The following MAD1L1 variants were observed in gnomAD, a reference collection of about 807,000 sequenced individuals.
The protein encoded by MAD1L1 is mitotic arrest deficient 1 like 1.
Under a neutral mutation model 96.9 loss-of-function variants are expected in MAD1L1, and 95 were observed. That is an observed-to-expected ratio of 0.98 (90% CI 0.83 to 1.16). The LOEUF is 1.16. MAD1L1 is among the 50% of genes most tolerant of loss of function. The pLI, the probability that MAD1L1 is intolerant of heterozygous loss-of-function variation, is 0.00. For synonymous variants in MAD1L1, 473 were observed against 396.6 expected, an observed-to-expected ratio of 1.19 and a Z score of -2.29; for missense variants, 1,007 against 954.4, an observed-to-expected ratio of 1.06 and a Z score of -0.73.
chr7:2,188,034 T>G (rs1203019731), intron 10 of MAD1L1, among the ~76,000 whole-genome samples: 2 of 152,272 alleles, frequency 1.3e-5, no homozygotes, highest in Non-Finnish European at 2.9e-5. Context: ...GGTGATTAGC[T>G]TGTAATTTCT....
At chr7:2,232,470 C>G (rs1486154650) in intron 1 of MAD1L1, among the ~76,000 whole-genome samples, 2 of 152,246 alleles carry the variant, frequency 1.3e-5, no homozygotes, top group Non-Finnish European at 2.9e-5. Context: ...ACTTCTCCAC[C>G]AGGCGCCAGC....
rs549794803 is a variant in MAD1L1 at position 2,161,920 on chromosome 7, G to A, written c.987-12682C>T. ...GCAGCCCCCGCCCGCCAGCCAGCCC[G>A]TCCGGGAGGTGGGGGGCAGCCCCCA... is the stretch of plus-strand genomic sequence containing the variant. On this transcript the variant is annotated intron_variant, in intron 10 of 18. Coordinates refer to ENST00000265854, the MANE Select transcript of MAD1L1 (RefSeq NM_001013836.2). Among the ~76,000 whole-genome samples, 396 of 144,230 alleles carry A rather than the reference G, an allele frequency of 2.7e-3. 8 individuals are homozygous for A. The highest frequency in any genetic ancestry group is 9.3e-3 in the African/African-American group (372 of 40,132). 94.6% of individuals were successfully genotyped at this position (144,230 alleles called of 152,430 possible).
At chr7:2,106,062 C>CA (rs1166014784) in intron 11 of MAD1L1, among the ~76,000 whole-genome samples, 4 of 129,114 alleles carry the variant, frequency 3.1e-5, no homozygotes, top group Non-Finnish European at 5.1e-5. Flanking sequence ...CCCCACCCCC[C>CA]AGACCTATCT....
At chr7:2,003,683 G>A (rs1329865618) in intron 13 of MAD1L1, among the ~76,000 whole-genome samples, 2 of 152,170 alleles carry the variant, frequency 1.3e-5, no homozygotes, top group Non-Finnish European at 1.5e-5. Flanking sequence ...CAACGCCTGT[G>A]GATGAGGGGA....
chr7:1,989,788 T>A (rs1781324849), intron 14 of MAD1L1, among the ~76,000 whole-genome samples: 1 of 152,202 alleles, frequency 6.6e-6, no homozygotes, highest in African/African-American at 2.4e-5. Flanking sequence ...AGCCTCAGTG[T>A]AGGCCGGCTG....
intron 11 of MAD1L1, among the ~76,000 whole-genome samples, chr7:2,078,603 C>T (rs1454086756): frequency 6.6e-6 from 1 of 152,242 alleles, no homozygotes; most frequent in African/African-American, 2.4e-5. Context: ...TGTCTGAACT[C>T]GGAGGCCGAG....
At chr7:1,916,712 G>A (rs557838427) in intron 17 of MAD1L1, among the ~76,000 whole-genome samples, 1 of 152,270 alleles carries the variant, frequency 6.6e-6, no homozygotes, top group African/African-American at 2.4e-5. Flanking sequence ...TGCTGCGGGT[G>A]TCTTGTTGCC....
At chr7:2,041,518 C>G (rs1368760226) in intron 12 of MAD1L1, among the ~76,000 whole-genome samples, 9 of 152,228 alleles carry the variant, frequency 5.9e-5, no homozygotes, top group Admixed American at 5.2e-4. Flanking sequence ...CACCTGTTCC[C>G]CACACTCCCT....
intron 12 of MAD1L1, among the ~76,000 whole-genome samples, chr7:2,038,763 C>G (rs1193062123): frequency 6.6e-6 from 1 of 152,016 alleles, no homozygotes; most frequent in Non-Finnish European, 1.5e-5. Context: ...GTGATCCGCC[C>G]ACCTCGACCT....
chr7:1,982,936 C>T (rs1264865117), intron 14 of MAD1L1, among the ~76,000 whole-genome samples: 1 of 152,014 alleles, frequency 6.6e-6, no homozygotes, highest in Non-Finnish European at 1.5e-5. Context: ...TGTCAAACGC[C>T]CCCATGAAGA....
chr7:1,840,036 G>C (rs1157635666), intron 18 of MAD1L1, among the ~76,000 whole-genome samples: 2 of 152,228 alleles, frequency 1.3e-5, no homozygotes, highest in Admixed American at 1.3e-4. Context: ...CAGCACGGCG[G>C]GCATTCCACA....
intron 12 of MAD1L1, among the ~76,000 whole-genome samples, chr7:2,040,759 T>A (rs759503596): frequency 2.0e-5 from 3 of 152,172 alleles, no homozygotes; most frequent in Non-Finnish European, 2.9e-5. Flanking sequence ...CTGGCCTCCA[T>A]CCCGCAGAGG....
At chr7:1,853,179 C>T (rs552958969) in intron 18 of MAD1L1, among the ~76,000 whole-genome samples, 27 of 152,288 alleles carry the variant, frequency 1.8e-4, no homozygotes, top group African/African-American at 5.8e-4. Flanking sequence ...GAAGGGACTG[C>T]GGATGTCATC....
At chr7:2,159,475 A>G (rs950048447) in intron 10 of MAD1L1, among the ~76,000 whole-genome samples, 2 of 152,206 alleles carry the variant, frequency 1.3e-5, no homozygotes, top group Non-Finnish European at 2.9e-5. Context: ...CCTCCTTCAC[A>G]GAACACCACC....
intron 15 of MAD1L1, among the ~76,000 whole-genome samples, chr7:1,963,329 C>T (rs910107896): frequency 6.6e-6 from 1 of 152,154 alleles, no homozygotes; most frequent in Non-Finnish European, 1.5e-5. Flanking sequence ...AAGAGGGAGA[C>T]CACATGCTCC....
intron 16 of MAD1L1, among the ~76,000 whole-genome samples, chr7:1,938,688 G>A (rs778168633): frequency 2.6e-5 from 4 of 152,080 alleles, no homozygotes; most frequent in Admixed American, 6.6e-5. Flanking sequence ...CCAAAAAGCT[G>A]ATAAACATAT....
intron 18 of MAD1L1, among the ~76,000 whole-genome samples, chr7:1,833,469 T>C (rs770924390): frequency 6.6e-6 from 1 of 152,212 alleles, no homozygotes; most frequent in Non-Finnish European, 1.5e-5. Context: ...CAATAACTGA[T>C]AGAACAGGAA....
chr7:2,078,740 A>T (rs1332124709), intron 11 of MAD1L1, among the ~76,000 whole-genome samples: 1 of 152,120 alleles, frequency 6.6e-6, no homozygotes, highest in Non-Finnish European at 1.5e-5. Flanking sequence ...CCCACCCCAC[A>T]TCCCTGAGGA....
In MAD1L1 at chr7:2,013,094, G is replaced by A. The variant is rs115776578; in HGVS notation, c.1359+1408C>T. Among the ~76,000 whole-genome samples, 614 of 152,352 alleles carry A rather than the reference G, an allele frequency of 4.0e-3. 5 individuals carry two copies. Among genetic ancestry groups the A allele is most frequent in the African/African-American group, 0.014 (563 of 41,584 alleles). On this transcript the variant is annotated intron_variant, in intron 13 of 18. Coordinates refer to ENST00000265854, the MANE Select transcript of MAD1L1 (RefSeq NM_001013836.2). Reference sequence around the variant, plus strand: ...AAATGTCTCCCCTACCCAGCAGCTCGGCTCCAGGGGCCAGAGGCTCTGTCA... The same window carrying A: ...AAATGTCTCCCCTACCCAGCAGCTCAGCTCCAGGGGCCAGAGGCTCTGTCA...
Sources: allele counts gnomAD v4.1 joint callset (sites outside exome capture counted in the v4.1 genomes callset), GRCh38; gene constraint gnomAD v4.1.1; transcripts MANE v1.5; gene names NCBI Gene and HGNC (gene_info 2026-07-23, HGNC 2026-07-21).